PTPRD: variants seen among roughly 807,000 people sequenced by gnomAD.
The protein encoded by PTPRD is receptor-type tyrosine-protein phosphatase delta.
Under a neutral mutation model 214.5 loss-of-function variants are expected in PTPRD, and 34 were observed. The observed-to-expected ratio is 0.16, with a 90% CI of 0.12 to 0.21. The LOEUF (loss-of-function observed/expected upper bound fraction) is 0.21. PTPRD is among the 10% of genes least tolerant of loss of function. The probability of loss-of-function intolerance (pLI) is 1.00; values close to 1 mark genes in which losing one functional copy is unlikely to be tolerated. For synonymous variants in PTPRD, 1,128 were observed against 845.7 expected (o/e 1.33, Z -5.79); for missense variants, 2,545 against 2,398.7 (o/e 1.06, Z -1.27).
chr9:8,542,740 G>A (rs573649313), intron 14 of PTPRD, among the ~76,000 whole-genome samples: 2 of 152,300 alleles, frequency 1.3e-5, no homozygotes, highest in East Asian at 1.9e-4. Flanking sequence ...AGAGCAAGCC[G>A]TTTGCCTCCT....
intron 8 of PTPRD, among the ~76,000 whole-genome samples, chr9:9,420,860 A>T (rs1301395922): frequency 6.6e-6 from 1 of 151,984 alleles, no homozygotes. Context: ...TAAAGAAAAA[A>T]TATCTTTTCA....
intron 42 of PTPRD, among the ~76,000 whole-genome samples, chr9:8,339,283 G>A (rs1176424662): frequency 6.6e-6 from 1 of 152,132 alleles, no homozygotes; most frequent in African/African-American, 2.4e-5. Context: ...CTGGCAGATA[G>A]TAGCTGCTTA....
intron 35 of PTPRD, among the ~76,000 whole-genome samples, chr9:8,428,844 A>G (rs892946102): frequency 2.0e-5 from 3 of 152,218 alleles, no homozygotes; most frequent in Non-Finnish European, 4.4e-5. Context: ...AATAATGATG[A>G]CTGTTTTACT....
intron 2 of PTPRD, among the ~76,000 whole-genome samples, chr9:10,602,490 A>T (rs899752977): frequency 6.6e-6 from 1 of 151,846 alleles, no homozygotes; most frequent in Non-Finnish European, 1.5e-5. Flanking sequence ...AGATTAAACC[A>T]TGAGTTATGT....
At chr9:8,663,101 A>C in intron 12 of PTPRD, among the ~76,000 whole-genome samples, 1 of 152,046 alleles carries the variant, frequency 6.6e-6, no homozygotes, top group East Asian at 1.9e-4. Flanking sequence ...TCAAATAAAA[A>C]CTATTTGGAA....
At chr9:9,181,664 T>A (rs2099928305) in intron 10 of PTPRD, among the ~76,000 whole-genome samples, 1 of 152,028 alleles carries the variant, frequency 6.6e-6, no homozygotes, top group Non-Finnish European at 1.5e-5. Context: ...GTTTACTTAA[T>A]ATCAAATGGC....
intron 3 of PTPRD, among the ~76,000 whole-genome samples, chr9:10,325,684 T>A (rs1204358404): frequency 6.6e-6 from 1 of 152,028 alleles, no homozygotes; most frequent in Non-Finnish European, 1.5e-5. Flanking sequence ...GCTACACCTT[T>A]CAAAACAACC....
chr9:9,969,467 G>A (rs74593526), intron 4 of PTPRD, among the ~76,000 whole-genome samples: 185 of 152,228 alleles, frequency 1.2e-3, no homozygotes, highest in African/African-American at 4.4e-3. Context: ...AAAATCTCAG[G>A]TATGCAGAAA....
At chr9:8,502,044 T>C (rs2097421590) in intron 23 of PTPRD, among the ~76,000 whole-genome samples, 1 of 152,176 alleles carries the variant, frequency 6.6e-6, no homozygotes, top group African/African-American at 2.4e-5. Context: ...TAATTATTCA[T>C]ACAATGTAGG....
At chr9:10,434,165 T>G (rs2098701904) in intron 2 of PTPRD, among the ~76,000 whole-genome samples, 1 of 151,858 alleles carries the variant, frequency 6.6e-6, no homozygotes, top group Non-Finnish European at 1.5e-5. Context: ...ATTTCAAATT[T>G]AGTTGACTCT....
intron 7 of PTPRD, 98 bp from the exon 8 acceptor site, chr9:9,574,879 T>A (rs887670970): frequency 1.3e-5 from 2 of 152,156 alleles, no homozygotes; most frequent in African/African-American, 4.8e-5. Context: ...AGAAATGTTA[T>A]TATATGAGTA....
chr9:10,152,116 C>G (rs1360070053), intron 3 of PTPRD, among the ~76,000 whole-genome samples: 1 of 152,168 alleles, frequency 6.6e-6, no homozygotes, highest in Non-Finnish European at 1.5e-5. Flanking sequence ...AACTGCTAAA[C>G]TGTTTCCAAA....
intron 4 of PTPRD, among the ~76,000 whole-genome samples, chr9:10,015,811 G>T (rs1479645422): frequency 6.6e-6 from 1 of 152,166 alleles, no homozygotes; most frequent in East Asian, 1.9e-4. Context: ...GTAGGATCTA[G>T]AAACTAAGCA....
intron 2 of PTPRD, among the ~76,000 whole-genome samples, chr9:10,353,456 G>T (rs150680542): frequency 6.6e-6 from 1 of 151,928 alleles, no homozygotes; most frequent in East Asian, 1.9e-4. Context: ...ATTATAATAA[G>T]AACTATTTTA....
intron 2 of PTPRD, among the ~76,000 whole-genome samples, chr9:10,462,576 G>A (rs968056706): frequency 2.0e-5 from 3 of 152,064 alleles, no homozygotes; most frequent in Non-Finnish European, 4.4e-5. Flanking sequence ...AAACTATCTT[G>A]GGGGAAATGA....
intron 8 of PTPRD, among the ~76,000 whole-genome samples, chr9:9,519,844 C>G (rs1194484773): frequency 2.0e-5 from 3 of 151,986 alleles, no homozygotes; most frequent in Middle Eastern, 3.2e-3. Context: ...TAAAACCGAA[C>G]AAGTTGATCC....
chr9:9,413,100 CTTT>C (rs5896325), intron 8 of PTPRD, among the ~76,000 whole-genome samples: 40 of 63,018 alleles, frequency 6.3e-4, no homozygotes, highest in Middle Eastern at 0.019. Context: ...CTTGCAGCTT[CTTT>C]TTTTTTTTTT....
intron 8 of PTPRD, among the ~76,000 whole-genome samples, chr9:9,550,135 T>G (rs1232913550): frequency 6.6e-6 from 1 of 151,896 alleles, no homozygotes; most frequent in Non-Finnish European, 1.5e-5. Context: ...TCTTATCAGT[T>G]GAAGGCCTTA....
chr9:9,238,047 C>A (rs796967543), intron 9 of PTPRD, among the ~76,000 whole-genome samples: 2 of 152,014 alleles, frequency 1.3e-5, no homozygotes, highest in African/African-American at 2.4e-5. Flanking sequence ...AGAGTAGATA[C>A]AAGATTACTA....
Sources: allele counts gnomAD v4.1 joint callset (sites outside exome capture counted in the v4.1 genomes callset), GRCh38; gene constraint gnomAD v4.1.1; transcripts MANE v1.5; gene names NCBI Gene and HGNC (gene_info 2026-07-23, HGNC 2026-07-21).